Variants in SLC2A12 observed in about 807,000 individuals in gnomAD.
SLC2A12 encodes solute carrier family 2, facilitated glucose transporter member 12.
A neutral mutation model predicts 41.8 loss-of-function variants in SLC2A12; 23 were observed. That is an observed-to-expected ratio of 0.55 (90% CI 0.40 to 0.78). The LOEUF (loss-of-function observed/expected upper bound fraction) is 0.78, where lower values mean the gene tolerates loss of function less well. SLC2A12 is among the 30% of genes least tolerant of loss of function. The pLI is 0.00. For missense variants in SLC2A12, 654 were observed against 745.6 expected (o/e 0.88, Z 1.43); for synonymous variants, 295 against 285.9 (o/e 1.03, Z -0.32).
intron 2 of SLC2A12, among the ~76,000 whole-genome samples, chr6:134,020,638 T>C (rs769222569): frequency 5.3e-5 from 8 of 152,204 alleles, no homozygotes; most frequent in Admixed American, 2.6e-4. Flanking sequence ...TGGGTCTCTT[T>C]TAAAAACACG....
chr6:134,004,898 C>T (rs762915857), intron 3 of SLC2A12, among the ~76,000 whole-genome samples: 4 of 152,238 alleles, frequency 2.6e-5, no homozygotes, highest in South Asian at 2.1e-4. Flanking sequence ...TGACAAACAG[C>T]GAGACAACCA....
chr6:134,019,597 A>G (rs1409319547), intron 2 of SLC2A12, among the ~76,000 whole-genome samples: 5 of 152,204 alleles, frequency 3.3e-5, no homozygotes, highest in East Asian at 3.8e-4. Context: ...TGTTTGACAT[A>G]CGGGTTTTAA....
chr6:134,034,805 A>G (rs7767123), intron 1 of SLC2A12, among the ~76,000 whole-genome samples: 12,343 of 152,114 alleles, frequency 0.081, 1,402 homozygotes, highest in African/African-American at 0.25. Context: ...CACAATTAGC[A>G]CTTTTCCAAA....
chr6:134,026,352 T>G (rs1777112252), intron 2 of SLC2A12, among the ~76,000 whole-genome samples: 1 of 152,184 alleles, frequency 6.6e-6, no homozygotes, highest in Admixed American at 6.5e-5. Flanking sequence ...CTTGTTAACA[T>G]AGAGAAGTTT....
intron 3 of SLC2A12, among the ~76,000 whole-genome samples, chr6:134,002,840 T>C (rs1383243491): frequency 1.3e-5 from 2 of 152,170 alleles, no homozygotes; most frequent in Non-Finnish European, 2.9e-5. Context: ...TTCTGATGAC[T>C]CTCATCTGCA....
intron 2 of SLC2A12, among the ~76,000 whole-genome samples, chr6:134,016,339 C>G (rs1047335817): frequency 6.6e-6 from 1 of 152,014 alleles, no homozygotes; most frequent in African/African-American, 2.4e-5. Context: ...GGGAAGACAT[C>G]CGGGTAGCTT....
chr6:134,044,656 G>C (rs1777431171), intron 1 of SLC2A12, among the ~76,000 whole-genome samples: 1 of 147,366 alleles, frequency 6.8e-6, no homozygotes, highest in South Asian at 2.2e-4. Flanking sequence ...GAAGGTTGCA[G>C]TGAGCCGAGA....
chr6:134,023,846 TTC>T (rs1482840349), intron 2 of SLC2A12, among the ~76,000 whole-genome samples: 3 of 152,214 alleles, frequency 2.0e-5, no homozygotes, highest in African/African-American at 7.2e-5. Context: ...GTCACGTGTA[TTC>T]TCTCTTAGGC....
chr6:134,022,573 GAAAAGA>G (rs1413522187), intron 2 of SLC2A12, among the ~76,000 whole-genome samples: 1 of 103,186 alleles, frequency 9.7e-6, no homozygotes, highest in Admixed American at 9.5e-5. Flanking sequence ...GAAAAGAAAA[GAAAAGA>G]AAAGAAAAGA....
intron 1 of SLC2A12, among the ~76,000 whole-genome samples, chr6:134,045,162 T>C (rs142556246): frequency 1.7e-3 from 252 of 152,334 alleles, no homozygotes; most frequent in Non-Finnish European, 2.9e-3. Flanking sequence ...ATGAAATATA[T>C]ATTTTATCGA....
In SLC2A12 at chr6:134,001,274, C is replaced by G. The variant is rs1194917249; in HGVS notation, c.1700+723G>C. On this transcript the variant is annotated intron_variant, in intron 4 of 4. Transcript: ENST00000275230. ...GCCACTAAAGAACTTACTCTGTAACCAAATATCACCTGTTCCCCAAAAACC... is the reference window on the plus strand; with the variant it reads ...GCCACTAAAGAACTTACTCTGTAACGAAATATCACCTGTTCCCCAAAAACC... Among the ~76,000 whole-genome samples, 3 of 152,072 alleles carry G rather than the reference C, an allele frequency of 2.0e-5. No individual in the cohort carries two copies. The East Asian group carries it at 5.8e-4, about 29-fold the overall frequency.
chr6:134,025,761 G>A (rs180753782), intron 2 of SLC2A12, among the ~76,000 whole-genome samples: 1 of 152,282 alleles, frequency 6.6e-6, no homozygotes, highest in East Asian at 1.9e-4. Flanking sequence ...TGGCCAGGCT[G>A]GTCTTGAACT....
chr6:134,018,632 C>T (rs374004621), intron 2 of SLC2A12, among the ~76,000 whole-genome samples: 4 of 152,178 alleles, frequency 2.6e-5, no homozygotes, highest in Non-Finnish European at 4.4e-5. Context: ...ACTATCATAT[C>T]GGAAATAACC....
chr6:134,004,115 G>A (rs992498024), intron 3 of SLC2A12, among the ~76,000 whole-genome samples: 3 of 152,166 alleles, frequency 2.0e-5, no homozygotes, highest in African/African-American at 4.8e-5. Context: ...AGCTCCTCCA[G>A]TGTATTAGCT....
chr6:134,026,211 A>G (rs1247819717), intron 2 of SLC2A12, among the ~76,000 whole-genome samples: 1 of 152,240 alleles, frequency 6.6e-6, no homozygotes, highest in Non-Finnish European at 1.5e-5. Context: ...TGGACCAAGA[A>G]AATTGATGTA....
Position 133,989,218 on chromosome 6 carries a change from A to G in SLC2A12, c.*1937T>C, listed in dbSNP as rs574545949. ...TTTTTTATAAATAAAAACTGTGAAT[A>G]TATATGTACAAGTTGTAAGTATTTC... On this transcript the variant is annotated 3_prime_UTR_variant, in exon 5 of 5. Transcript: ENST00000275230. The G allele has an allele frequency of 2.0e-5, 3 of 152,172 alleles. No individual in the cohort carries two copies. The highest frequency in any genetic ancestry group is 7.2e-5 in the African/African-American group (3 of 41,440). 9.4% of individuals were successfully genotyped at this position (152,172 alleles called of 1,614,324 possible).
chr6:134,043,036 C>G (rs1388693013), intron 1 of SLC2A12, among the ~76,000 whole-genome samples: 1 of 151,990 alleles, frequency 6.6e-6, no homozygotes, highest in African/African-American at 2.4e-5. Flanking sequence ...AAAGAAACTC[C>G]TTATGGTGGA....
chr6:134,017,746 C>G (rs1481489026), intron 2 of SLC2A12, among the ~76,000 whole-genome samples: 3 of 151,626 alleles, frequency 2.0e-5, no homozygotes, highest in Non-Finnish European at 4.4e-5. Context: ...CCCAGCTACT[C>G]GGGACGCTGA....
At chr6:134,003,648 T>C (rs1776778405) in intron 3 of SLC2A12, among the ~76,000 whole-genome samples, 1 of 152,196 alleles carries the variant, frequency 6.6e-6, no homozygotes, top group South Asian at 2.1e-4. Flanking sequence ...GAGAATCCCC[T>C]TGTCCAAGTC....
Sources: gnomAD v4.1 joint callset for allele counts (sites outside exome capture counted in the v4.1 genomes callset) on GRCh38, gnomAD v4.1.1 for gene constraint, MANE v1.5 for transcripts, NCBI Gene and HGNC (gene_info 2026-07-23, HGNC 2026-07-21) for gene names.